Variants in KIAA0825 observed in about 807,000 individuals in gnomAD.
KIAA0825 encodes uncharacterized protein KIAA0825.
Under a neutral mutation model 147.6 loss-of-function variants are expected in KIAA0825, and 119 were observed. That is an observed-to-expected ratio of 0.81 (90% CI 0.69 to 0.94). KIAA0825 has a LOEUF of 0.94. Among genes scored for constraint, KIAA0825 ranks in the 40% least tolerant of loss-of-function variants. The probability of loss-of-function intolerance (pLI) is 0.00; values close to 1 mark genes in which losing one functional copy is unlikely to be tolerated. For missense variants in KIAA0825, 1,381 were observed against 1,472.7 expected (o/e 0.94, Z 1.02); for synonymous variants, 470 against 518.1 (o/e 0.91, Z 1.26).
intron 20 of KIAA0825, among the ~76,000 whole-genome samples, chr5:94,218,643 CCA>C (rs1463298191): frequency 6.6e-6 from 1 of 152,158 alleles, no homozygotes; most frequent in Admixed American, 6.6e-5. Context: ...TGCCAACATA[CCA>C]CAGAGTTGAT....
At position 94,151,777 on chromosome 5, in the gene KIAA0825, A is replaced by G. The variant is rs551979992; in HGVS notation, c.*2230T>C. The stretch of plus-strand genomic sequence containing the variant: ...AGATGACGTTTAGATATATTAGAAG[A>G]CAATCCAAATGTGAAATCCTGTAAT... On this transcript the variant is annotated 3_prime_UTR_variant, in exon 21 of 21. Transcript: ENST00000682413. Among the ~76,000 whole-genome samples, 1 of 152,352 alleles carries G rather than the reference A, an allele frequency of 6.6e-6. No individual in the cohort carries two copies. Among genetic ancestry groups the G allele is most frequent in the South Asian group, 2.1e-4 (1 of 4,832 alleles).
rs528715110 is a variant in KIAA0825, at chr5:94,502,254, G to A, written c.971-17324C>T. Among the ~76,000 whole-genome samples the A allele has an allele frequency of 8.5e-5, 13 of 152,166 alleles. No individual in the cohort carries two copies. The East Asian group carries it at 2.5e-3, about 29-fold the overall frequency. On this transcript the variant is annotated intron_variant, in intron 5 of 20. Transcript: ENST00000682413. ...GTTTATATAACAATGGGCATATAAT[G>A]CTTTTGAGAAGAAAAATTAATATTT...
At chr5:94,418,070 T>C (rs1753699340) in intron 14 of KIAA0825, among the ~76,000 whole-genome samples, 1 of 152,204 alleles carries the variant, frequency 6.6e-6, no homozygotes, top group African/African-American at 2.4e-5. Flanking sequence ...TAATTTCTGT[T>C]TTCTATGGAT....
intron 20 of KIAA0825, among the ~76,000 whole-genome samples, chr5:94,308,950 T>G (rs1189300405): frequency 6.6e-6 from 1 of 151,852 alleles, no homozygotes; most frequent in Non-Finnish European, 1.5e-5. Context: ...TGAAACTGGC[T>G]ACTTTAATTC....
chr5:94,600,771 C>A (rs1561377979), intron 1 of KIAA0825, among the ~76,000 whole-genome samples: 2 of 152,026 alleles, frequency 1.3e-5, no homozygotes. Flanking sequence ...GAAGTAGTAC[C>A]ACAGCACCAC....
intron 1 of KIAA0825, among the ~76,000 whole-genome samples, chr5:94,588,259 T>C (rs1009257425): frequency 3.3e-5 from 5 of 152,236 alleles, no homozygotes; most frequent in Admixed American, 6.5e-5. Flanking sequence ...ACAGGCAACC[T>C]ACAGAATGGG....
chr5:94,328,775 T>G (rs1021725909), intron 20 of KIAA0825, among the ~76,000 whole-genome samples: 2 of 151,516 alleles, frequency 1.3e-5, no homozygotes, highest in African/African-American at 4.8e-5. Flanking sequence ...AAACTGCAGA[T>G]GTTCCTTTGC....
chr5:94,343,834 T>G (rs1022804583), intron 20 of KIAA0825, among the ~76,000 whole-genome samples: 17 of 151,868 alleles, frequency 1.1e-4, no homozygotes, highest in African/African-American at 3.9e-4. Flanking sequence ...GACAAAAGAA[T>G]CCATAGAAAA....
At chr5:94,543,421 T>C (rs1354824391) in intron 2 of KIAA0825, among the ~76,000 whole-genome samples, 1 of 152,166 alleles carries the variant, frequency 6.6e-6, no homozygotes, top group Non-Finnish European at 1.5e-5. Context: ...CCAGCCTGGA[T>C]GACAGAGTGA....
chr5:94,215,499 C>T (rs1049506072), intron 20 of KIAA0825, among the ~76,000 whole-genome samples: 1 of 152,006 alleles, frequency 6.6e-6, no homozygotes, highest in African/African-American at 2.4e-5. Context: ...CAAATATTGA[C>T]AAACAATGTA....
In KIAA0825 at chr5:94,334,470, CTTTTAATTT is replaced by C. The variant is rs934220474; in HGVS notation, c.3710+49889_3710+49897del. Among the ~76,000 whole-genome samples, 3 of 151,810 alleles carry C rather than the reference CTTTTAATTT, an allele frequency of 2.0e-5. No homozygotes were observed. The East Asian group carries it at 5.8e-4, about 29-fold the overall frequency. On this transcript the variant is annotated intron_variant, in intron 20 of 20. Coordinates refer to ENST00000682413, the MANE Select transcript of KIAA0825 (RefSeq NM_001145678.3). ...GGTAGAATAAAGATTTCACAACCGACTTTTAATTTTTTTAATTTTTTTATTTTTTTGAGA... is the reference window on the plus strand; with the variant it reads ...GGTAGAATAAAGATTTCACAACCGACTTTTAATTTTTTTATTTTTTTGAGA...
intron 3 of KIAA0825, among the ~76,000 whole-genome samples, chr5:94,527,926 T>C (rs540437093): frequency 2.0e-5 from 3 of 152,136 alleles, no homozygotes; most frequent in East Asian, 3.9e-4. Flanking sequence ...TGAAAACTTA[T>C]TTTCCTGAAA....
At chr5:94,236,056 G>A (rs1238753312) in intron 20 of KIAA0825, among the ~76,000 whole-genome samples, 3 of 152,194 alleles carry the variant, frequency 2.0e-5, no homozygotes, top group Non-Finnish European at 2.9e-5. Flanking sequence ...CCATTCTGTA[G>A]CCCATGGAAC....
intron 20 of KIAA0825, among the ~76,000 whole-genome samples, chr5:94,199,329 G>A (rs1771443159): frequency 6.6e-6 from 1 of 152,136 alleles, no homozygotes; most frequent in Admixed American, 6.5e-5. Flanking sequence ...AGCACTCCTG[G>A]GCTGTGTGCT....
intron 12 of KIAA0825, among the ~76,000 whole-genome samples, chr5:94,454,523 A>G (rs1758840040): frequency 6.6e-6 from 1 of 152,212 alleles, no homozygotes; most frequent in South Asian, 2.1e-4. Flanking sequence ...AGATCAAAAC[A>G]GAAATTCCTT....
At chr5:94,340,037 A>T (rs1270057399) in intron 20 of KIAA0825, among the ~76,000 whole-genome samples, 1 of 152,176 alleles carries the variant, frequency 6.6e-6, no homozygotes, top group African/African-American at 2.4e-5. Flanking sequence ...GAAAAATACT[A>T]TTCATATTCT....
At chr5:94,384,010 A>C (rs534735395) in intron 20 of KIAA0825, among the ~76,000 whole-genome samples, 1 of 152,294 alleles carries the variant, frequency 6.6e-6, no homozygotes, top group African/African-American at 2.4e-5. Flanking sequence ...GTATTATAAT[A>C]ACGTTCAAGT....
rs1297801266 is a variant in KIAA0825 at position 94,154,111 on chromosome 5, T to C, written c.3724A>G (p.Lys1242Glu). The C allele has an allele frequency of 1.9e-6, 3 of 1,550,132 alleles. No homozygotes were observed. Among genetic ancestry groups the C allele is most frequent in the African/African-American group, 1.4e-5 (1 of 73,024 alleles). ...VLLKNRWEMKKDETLEEEEKA... is the reference protein window; with the variant it reads ...VLLKNRWEMKEDETLEEEEKA... Reference sequence around the variant, plus strand: ...TCTTCCTCTTCTAGTGTTTCATCCTTCTTCATTTCCCACCTAAAAGAAAAA... The same window carrying C: ...TCTTCCTCTTCTAGTGTTTCATCCTCCTTCATTTCCCACCTAAAAGAAAAA... Residue 1242 changes from lysine (K) to glutamate (E), a missense_variant, in exon 21 of 21, where the codon AAG becomes GAG. Lys to Glu is a moderately conservative substitution (Grantham distance 56). Transcript: ENST00000682413.
At chr5:94,574,463 G>C (rs1780589572) in intron 2 of KIAA0825, among the ~76,000 whole-genome samples, 1 of 144,674 alleles carries the variant, frequency 6.9e-6, no homozygotes, top group South Asian at 2.3e-4. Flanking sequence ...AGCATCGCGT[G>C]AACCCGGGAT....
Sources: allele counts gnomAD v4.1 joint callset (sites outside exome capture counted in the v4.1 genomes callset), GRCh38; gene constraint gnomAD v4.1.1; transcripts MANE v1.5; gene names NCBI Gene and HGNC (gene_info 2026-07-23, HGNC 2026-07-21).